CELF4: variants seen among roughly 807,000 people sequenced by gnomAD.
CELF4 encodes CUG-BP- and ETR-3-like factor 4.
Under a neutral mutation model 59.9 loss-of-function variants are expected in CELF4, and 18 were observed. The ratio of observed to expected loss-of-function variants is 0.30; its 90% confidence interval spans 0.21 to 0.45. The LOEUF is 0.45. Ranked by LOEUF, CELF4 falls within the 20% of genes least tolerant of loss-of-function variation. The pLI is 1.00. For synonymous variants in CELF4, 261 were observed against 267.1 expected (o/e 0.98, Z 0.22); for missense variants, 456 against 689.0 (o/e 0.66, Z 3.79).
intron 6 of CELF4, chr18:37,273,387 T>A (rs1479815311): frequency 1.6e-6 from 2 of 1,289,356 alleles, no homozygotes; most frequent in East Asian, 3.1e-5. Context: ...AATGCTAGGG[T>A]CTTTGGAACT....
rs1339240727 is a variant in CELF4 at position 37,245,131 on chromosome 18, A to G, written c.*111T>C. The stretch of plus-strand genomic sequence containing the variant: ...TGATATGTCAAAGGTGTCATCCAAC[A>G]GTTCTCATTTATAAATATATATAGA... On this transcript the variant is annotated 3_prime_UTR_variant, in exon 13 of 13. Coordinates refer to ENST00000420428, the MANE Select transcript of CELF4 (RefSeq NM_020180.4). This position sits in a 1 kb window ranked among gnomAD's most constrained non-coding sequence, Gnocchi z 4.1. 1 of 152,546 alleles carries G rather than the reference A, an allele frequency of 6.6e-6. No individual in the cohort carries two copies. The highest frequency in any genetic ancestry group is 1.5e-5 in the Non-Finnish European group (1 of 68,048). The allele number at this position is 152,546 out of a possible 1,614,324, so 9.4% of individuals were successfully genotyped here.
At chr18:37,341,031 T>C (rs772272840) in intron 2 of CELF4, among the ~76,000 whole-genome samples, 2 of 152,208 alleles carry the variant, frequency 1.3e-5, no homozygotes, top group African/African-American at 4.8e-5. Context: ...AAAGTAGGGA[T>C]GGTGAAAAGA....
intron 2 of CELF4, among the ~76,000 whole-genome samples, chr18:37,337,408 C>G (rs1353835533): frequency 6.6e-6 from 1 of 152,198 alleles, no homozygotes; most frequent in Non-Finnish European, 1.5e-5. Context: ...TCCCCAGAGA[C>G]CCGGCTCTCT....
chr18:37,452,247 C>A (rs1053673135), intron 2 of CELF4, among the ~76,000 whole-genome samples: 3 of 152,216 alleles, frequency 2.0e-5, no homozygotes, highest in Non-Finnish European at 4.4e-5. Context: ...AAGTGGCTGC[C>A]ACATGCCAGG....
chr18:37,266,129 C>A (rs545016307), intron 9 of CELF4: 2 of 323,016 alleles, frequency 6.2e-6, no homozygotes, highest in Non-Finnish European at 1.2e-5. Context: ...GGCATCTGTG[C>A]TTCCTGGGCC....
intron 1 of CELF4, among the ~76,000 whole-genome samples, chr18:37,525,891 G>T (rs2099963342): frequency 6.6e-6 from 1 of 152,180 alleles, no homozygotes; most frequent in Non-Finnish European, 1.5e-5. Flanking sequence ...CGACCTGTAG[G>T]AGGACTCTGT....
intron 2 of CELF4, among the ~76,000 whole-genome samples, chr18:37,356,045 G>A (rs886405564): frequency 2.0e-5 from 3 of 152,106 alleles, no homozygotes; most frequent in Non-Finnish European, 4.4e-5. Context: ...CTGGCCCCAG[G>A]GTCTCTCTGG....
At chr18:37,333,327 C>A (rs2097623902) in intron 2 of CELF4, among the ~76,000 whole-genome samples, 1 of 151,678 alleles carries the variant, frequency 6.6e-6, no homozygotes, top group Non-Finnish European at 1.5e-5. Context: ...CCCTCCTCCC[C>A]CTCCACTCCC....
intron 2 of CELF4, among the ~76,000 whole-genome samples, chr18:37,357,120 C>A (rs890545564): frequency 6.6e-6 from 1 of 152,192 alleles, no homozygotes; most frequent in Non-Finnish European, 1.5e-5. Context: ...CAGTGGGAGA[C>A]TTGGAAGAGG....
At chr18:37,375,796 C>T (rs1320037058) in intron 2 of CELF4, among the ~76,000 whole-genome samples, 2 of 152,122 alleles carry the variant, frequency 1.3e-5, no homozygotes, top group Non-Finnish European at 2.9e-5. Flanking sequence ...CAGCCAACTC[C>T]TCTACTCTTC....
At chr18:37,318,638 C>T (rs528217709) in intron 3 of CELF4, among the ~76,000 whole-genome samples, 17 of 145,534 alleles carry the variant, frequency 1.2e-4, no homozygotes, top group African/African-American at 4.4e-4. Context: ...CCTCCCCCCC[C>T]CCCCACTTTC....
intron 2 of CELF4, among the ~76,000 whole-genome samples, chr18:37,421,163 T>TGC (rs2099575509): frequency 6.6e-6 from 1 of 152,210 alleles, no homozygotes; most frequent in Admixed American, 6.5e-5. Context: ...CACAGTTCCC[T>TGC]ATCCGGGTCA....
intron 2 of CELF4, among the ~76,000 whole-genome samples, chr18:37,338,876 G>A (rs565476154): frequency 6.6e-6 from 1 of 151,646 alleles, no homozygotes; most frequent in Non-Finnish European, 1.5e-5. Context: ...TGTGCCCCAG[G>A]GCCAGCTTGA....
chr18:37,508,517 T>C (rs1686035002), intron 1 of CELF4, among the ~76,000 whole-genome samples: 1 of 152,178 alleles, frequency 6.6e-6, no homozygotes, highest in African/African-American at 2.4e-5. Flanking sequence ...GAAATAAGCA[T>C]GGAGAGGCAC....
At chr18:37,274,280 A>G in intron 6 of CELF4, 31 bp downstream of exon 6, 1 of 1,608,022 alleles carries the variant, frequency 6.2e-7, no homozygotes. Flanking sequence ...AGTGAGCTTG[A>G]GAACCGCTGC....
intron 1 of CELF4, among the ~76,000 whole-genome samples, chr18:37,545,776 G>A (rs1158565689): frequency 1.4e-5 from 2 of 145,760 alleles, no homozygotes; most frequent in East Asian, 2.0e-4. Context: ...ACACACACAC[G>A]GCCCTGCACT....
intron 2 of CELF4, among the ~76,000 whole-genome samples, chr18:37,384,923 A>T (rs954262412): frequency 6.6e-6 from 1 of 152,176 alleles, no homozygotes; most frequent in Non-Finnish European, 1.5e-5. Flanking sequence ...CATTAAACTT[A>T]CTAATGAGTA....
chr18:37,520,741 C>G (rs1035104501), intron 1 of CELF4, among the ~76,000 whole-genome samples: 3 of 152,180 alleles, frequency 2.0e-5, no homozygotes, highest in African/African-American at 4.8e-5. Context: ...ATTATCCCTT[C>G]TTACCCAGAG....
chr18:37,459,540 T>C (rs1052146289), intron 2 of CELF4, among the ~76,000 whole-genome samples: 3 of 152,106 alleles, frequency 2.0e-5, no homozygotes, highest in African/African-American at 7.2e-5. Context: ...TGTGATGTGC[T>C]GGAAGTGGGA....
Sources: gnomAD v4.1 joint callset for allele counts (sites outside exome capture counted in the v4.1 genomes callset) on GRCh38, gnomAD v4.1.1 for gene constraint, Gnocchi (gnomAD v3.1) non-coding constraint, MANE v1.5 for transcripts, NCBI Gene and HGNC (gene_info 2026-07-23, HGNC 2026-07-21) for gene names.